Variants in ADRA1D observed in about 807,000 individuals in gnomAD.
ADRA1D encodes the protein adrenoceptor alpha 1D.
ADRA1D carries 22 observed loss-of-function variants against 18.6 expected under a neutral mutation model. The ratio of observed to expected loss-of-function variants is 1.19; its 90% confidence interval spans 0.85 to 1.69. The LOEUF is 1.69. Among genes scored for constraint, ADRA1D ranks in the 40% most tolerant of loss-of-function variants. The pLI, the probability that ADRA1D is intolerant of heterozygous loss-of-function variation, is 0.00. For synonymous variants in ADRA1D, 376 were observed against 388.2 expected (o/e 0.97, Z 0.37); for missense variants, 840 against 840.7 (o/e 1.00, Z 0.01).
At chr20:4,237,539 C>G (rs985654263) in intron 1 of ADRA1D, among the ~76,000 whole-genome samples, 2 of 151,674 alleles carry the variant, frequency 1.3e-5, no homozygotes, top group Non-Finnish European at 2.9e-5. Flanking sequence ...CAAGGCAGAT[C>G]CAGGGAAGTG....
At chr20:4,235,963 CCA>C (rs1981079647) in intron 1 of ADRA1D, among the ~76,000 whole-genome samples, 1 of 152,174 alleles carries the variant, frequency 6.6e-6, no homozygotes, top group African/African-American at 2.4e-5. Context: ...CAGGAAGGGG[CCA>C]TGTCCCATGG....
At chr20:4,223,229 T>G (rs546409198) in intron 1 of ADRA1D, among the ~76,000 whole-genome samples, 2 of 152,382 alleles carry the variant, frequency 1.3e-5, no homozygotes, top group East Asian at 3.9e-4. Flanking sequence ...GATCTTGTTA[T>G]GTAATACCTT....
chr20:4,236,281 C>T (rs1005302549), intron 1 of ADRA1D, among the ~76,000 whole-genome samples: 1 of 152,164 alleles, frequency 6.6e-6, no homozygotes, highest in Admixed American at 6.5e-5. Flanking sequence ...TAGCATCTAC[C>T]TCATAGGACT....
At chr20:4,227,818 G>A (rs975602727) in intron 1 of ADRA1D, among the ~76,000 whole-genome samples, 1 of 149,990 alleles carries the variant, frequency 6.7e-6, no homozygotes, top group Non-Finnish European at 1.5e-5. Flanking sequence ...TGTTGGCCAG[G>A]CTGGTCTTGA....
At chr20:4,241,958 C>A (rs57361540) in intron 1 of ADRA1D, among the ~76,000 whole-genome samples, 107,176 of 151,488 alleles carry the variant, frequency 0.71, 38,531 homozygotes, top group Middle Eastern at 0.78. Context: ...ACAGCACAGC[C>A]TGATGGCTCT....
At chr20:4,247,352 G>A (rs1165051392) in intron 1 of ADRA1D, among the ~76,000 whole-genome samples, 2 of 152,178 alleles carry the variant, frequency 1.3e-5, no homozygotes, top group Admixed American at 1.3e-4. Flanking sequence ...GTCCCAAATG[G>A]GGCCAGCTTC....
chr20:4,248,752 G>T lies in ADRA1D; in HGVS notation c.206C>A (p.Ala69Glu). 6.6e-7 allele frequency: 1 copy of T among 1,508,082 alleles called. No homozygotes were observed. The highest frequency in any genetic ancestry group is 2.0e-4 in the Middle Eastern group (1 of 5,038). The allele number at this position is 1,508,082 out of a possible 1,614,324, so 93.4% of individuals were successfully genotyped here. A position where few individuals can be genotyped will look rare whatever the true frequency, so the allele number is the denominator to read the frequency against. Reference protein sequence around the residue: ...AGSGEDNRSSAGEPGSAGAGG... With the variant: ...AGSGEDNRSSEGEPGSAGAGG... Reference sequence around the variant, plus strand: ...CGCGCCCGCGCTCCCCGGCTCCCCCGCGGAGCTCCGGTTGTCCTCGCCGCT... The same window carrying T: ...CGCGCCCGCGCTCCCCGGCTCCCCCTCGGAGCTCCGGTTGTCCTCGCCGCT... Residue 69 changes from alanine (A) to glutamate (E), a missense_variant, in exon 1 of 2, where the codon GCG becomes GAG. Ala to Glu is a moderately radical substitution (Grantham distance 107). Coordinates refer to ENST00000379453, the MANE Select transcript of ADRA1D (RefSeq NM_000678.4).
intron 1 of ADRA1D, among the ~76,000 whole-genome samples, chr20:4,226,095 C>A (rs1980793103): frequency 6.6e-6 from 1 of 152,222 alleles, no homozygotes; most frequent in Non-Finnish European, 1.5e-5. Context: ...AGTGGTGAGC[C>A]TGAAGCTGGC....
rs1385903143 is a variant in ADRA1D at position 4,245,973 on chromosome 20, A to G, written c.1111+1874T>C. Among the ~76,000 whole-genome samples, 3 of 152,164 alleles carry G rather than the reference A, an allele frequency of 2.0e-5. No homozygotes were observed. The East Asian group carries it at 5.8e-4, about 29-fold the overall frequency. On this transcript the variant is annotated intron_variant, in intron 1 of 1. Coordinates refer to ENST00000379453, the MANE Select transcript of ADRA1D (RefSeq NM_000678.4). ...ACCCTATATTGAGTATCCACTACAA[A>G]AGCTACAGTTCCACGATGGCCCTAT...
intron 1 of ADRA1D, among the ~76,000 whole-genome samples, chr20:4,246,697 G>A (rs1006703063): frequency 2.6e-5 from 4 of 152,318 alleles, no homozygotes; most frequent in Admixed American, 2.0e-4. Context: ...TTTTGGTTCG[G>A]ACAATAATAT....
rs555423544 is a variant in ADRA1D at position 4,238,247 on chromosome 20, T to C, written c.1111+9600A>G. On this transcript the variant is annotated intron_variant, in intron 1 of 1. Transcript: ENST00000379453. The stretch of plus-strand genomic sequence containing the variant: ...CAACCTGGGTGACAGAGCAAGACCC[T>C]GTCTCAAAAAATAAAAAACAAATAA... Among the ~76,000 whole-genome samples the C allele has an allele frequency of 1.6e-4, 24 of 151,892 alleles. No homozygotes were observed. In the East Asian group the frequency reaches 4.7e-3, roughly 30 times the overall value.
At position 4,221,838 on chromosome 20, in the gene ADRA1D, G is replaced by A. The variant is rs1413868017; in HGVS notation, c.1404C>T (p.Pro468=). The change falls in exon 2 of 2, where the codon CCC becomes CCT. Residue 468 remains proline, a synonymous_variant. Coordinates refer to ENST00000379453, the MANE Select transcript of ADRA1D (RefSeq NM_000678.4). ...PGAPLALTAL[P]DPDPEPPGTP... The stretch of plus-strand genomic sequence containing the variant: ...TGCCTGGGGGTTCGGGGTCGGGGTC[G>A]GGGAGCGCGGTGAGGGCCAGCGGCG... The A allele has an allele frequency of 4.7e-6, 7 of 1,493,762 alleles. No individual in the cohort carries two copies. Among genetic ancestry groups the A allele is most frequent in the South Asian group, 2.6e-5 (2 of 77,480 alleles). 92.5% of individuals were successfully genotyped at this position (1,493,762 alleles called of 1,614,324 possible). A position where few individuals can be genotyped will look rare whatever the true frequency, so the allele number is the denominator to read the frequency against.
intron 1 of ADRA1D, among the ~76,000 whole-genome samples, chr20:4,231,064 T>TTCTTTCTTTCTTTCTTTC (rs1491147056): frequency 1.0e-5 from 1 of 97,920 alleles, no homozygotes; most frequent in Non-Finnish European, 2.0e-5. Context: ...CTTTCTTTCT[T>TTCTTTCTTTCTTTCTTTC]TCTCTCTCTC....
Position 4,221,539 on chromosome 20 carries a change from C to G in ADRA1D, c.1703G>C (p.Arg568Pro). The change falls in exon 2 of 2, where the codon CGG becomes CCG. Residue 568 changes from arginine (R) to proline (P), a missense_variant. By Grantham distance (103) the Arg-to-Pro change is moderately radical. Transcript: ENST00000379453. ...CTGGGGTCCTTAAATATCGGTCTCC[C>G]GTAGGTTGCTGTAGTCGGCCAATTC... Reference protein sequence around the residue: ...AYELADYSNLRETDI With the variant: ...AYELADYSNLPETDI The G allele has an allele frequency of 6.2e-7, 1 of 1,610,914 alleles. No homozygotes were observed. The highest frequency in any genetic ancestry group is 1.3e-5 in the African/African-American group (1 of 74,942).
In ADRA1D at chr20:4,222,117, C is replaced by T. The variant is rs1327527647; in HGVS notation, c.1125G>A (p.Pro375=). 3 of 1,612,256 alleles carry T rather than the reference C, an allele frequency of 1.9e-6. No individual in the cohort carries two copies. Among genetic ancestry groups the T allele is most frequent in the Non-Finnish European group, 2.5e-6 (3 of 1,179,334 alleles). The change falls in exon 2 of 2, where the codon CCG becomes CCA. Residue 375 remains proline, a synonymous_variant. Transcript: ENST00000379453. This position sits in a 1 kb window ranked among gnomAD's most constrained non-coding sequence, Gnocchi z 4.3. ...AGACGCCCTCCGATGGCTTCAGCTG[C>T]GGGAACAAGGAGCCTGTAGGGAGCA... ...FFVLPLGSLF[P]QLKPSEGVFK...
At position 4,221,672 on chromosome 20, in the gene ADRA1D, C is replaced by T; in HGVS notation, c.1570G>A (p.Gly524Arg). 1 of 1,612,570 alleles carries T rather than the reference C, an allele frequency of 6.2e-7. No individual in the cohort carries two copies. The highest frequency in any genetic ancestry group is 8.5e-7 in the Non-Finnish European group (1 of 1,179,600). Residue 524 changes from glycine to arginine, a missense_variant, in exon 2 of 2, where the codon GGG (glycine) becomes AGG (arginine). Transcript: ENST00000379453. ...GCTGCCTCTGCGCGCTGCGCGCCCCCGGCGCGGATCTTGTGCGACAGGCTG... is the reference window on the plus strand; with the variant it reads ...GCTGCCTCTGCGCGCTGCGCGCCCCTGGCGCGGATCTTGTGCGACAGGCTG... The part of the protein sequence containing the change: ...VSSLSHKIRA[G>R]GAQRAEAACA...
rs1297110738 is a variant in ADRA1D, at chr20:4,248,672, C to T, written c.286G>A (p.Gly96Ser). 6.3e-7 allele frequency: 1 copy of T among 1,599,062 alleles called. No homozygotes were observed. Among genetic ancestry groups the T allele is most frequent in the Admixed American group, 1.7e-5 (1 of 57,930 alleles). The change falls in exon 1 of 2, where the codon GGC becomes AGC. Residue 96 changes from glycine (G) to serine (S), a missense_variant. Physicochemically the swap from Gly to Ser is moderately conservative, Grantham distance 56 (BLOSUM62 0). Coordinates refer to ENST00000379453, the MANE Select transcript of ADRA1D (RefSeq NM_000678.4). ...AVGGLVVSAQGVGVGVFLAAF... is the reference protein window; with the variant it reads ...AVGGLVVSAQSVGVGVFLAAF... ...GCCAGGAAGACGCCCACGCCCACGC[C>T]CTGCGCGCTCACCACCAGTCCCCCG... is the stretch of plus-strand genomic sequence containing the variant.
chr20:4,243,987 G>A (rs1028893151), intron 1 of ADRA1D, among the ~76,000 whole-genome samples: 2 of 152,166 alleles, frequency 1.3e-5, no homozygotes, highest in Non-Finnish European at 2.9e-5. Context: ...CAGTGACTTG[G>A]GTCCTTAGAT....
At chr20:4,240,893 G>A (rs1981196196) in intron 1 of ADRA1D, among the ~76,000 whole-genome samples, 1 of 152,060 alleles carries the variant, frequency 6.6e-6, no homozygotes, top group South Asian at 2.1e-4. Context: ...TGGGTCACAG[G>A]TACACAGGGG....
Sources: gnomAD v4.1 joint callset for allele counts (sites outside exome capture counted in the v4.1 genomes callset) on GRCh38, gnomAD v4.1.1 for gene constraint, Gnocchi (gnomAD v3.1) non-coding constraint, MANE v1.5 for transcripts, NCBI Gene and HGNC (gene_info 2026-07-23, HGNC 2026-07-21) for gene names.